SMARCC1: variants seen among roughly 807,000 people sequenced by gnomAD.
SMARCC1 encodes the protein SWI/SNF complex subunit SMARCC1.
In SMARCC1, 43 loss-of-function variants were observed where a neutral mutation model predicts 147.4. That is an observed-to-expected ratio of 0.29 (90% CI 0.23 to 0.38). The LOEUF (loss-of-function observed/expected upper bound fraction) is 0.38, where lower values mean the gene tolerates loss of function less well. SMARCC1 is among the 10% of genes least tolerant of loss of function. SMARCC1 has a pLI of 1.00. For missense variants in SMARCC1, 1,119 were observed against 1,381.1 expected (o/e 0.81, Z 3.01); for synonymous variants, 495 against 484.4 (o/e 1.02, Z -0.29).
At chr3:47,745,063 T>A (rs1447210265) in intron 3 of SMARCC1, among the ~76,000 whole-genome samples, 3 of 151,106 alleles carry the variant, frequency 2.0e-5, no homozygotes, top group Non-Finnish European at 4.4e-5. Flanking sequence ...AGGTCAGGAG[T>A]TCGAGACCAG....
intron 19 of SMARCC1, among the ~76,000 whole-genome samples, chr3:47,667,225 GGA>G (rs1402486700): frequency 6.6e-6 from 1 of 152,026 alleles, no homozygotes; most frequent in African/African-American, 2.4e-5. Context: ...GGCCGAGGCA[GGA>G]GAATAGTGTG....
intron 25 of SMARCC1, among the ~76,000 whole-genome samples, chr3:47,618,357 C>T (rs2032675962): frequency 6.7e-6 from 1 of 149,568 alleles, no homozygotes; most frequent in African/African-American, 2.5e-5. Flanking sequence ...GCCTGGGCAA[C>T]ATGGCAAGAT....
At chr3:47,648,988 TA>T (rs1217349717) in intron 21 of SMARCC1, among the ~76,000 whole-genome samples, 3 of 152,224 alleles carry the variant, frequency 2.0e-5, no homozygotes, top group Non-Finnish European at 4.4e-5. Context: ...ATATACATCC[TA>T]CTACCTAATA....
intron 25 of SMARCC1, among the ~76,000 whole-genome samples, chr3:47,613,410 G>A (rs1276429533): frequency 2.0e-5 from 3 of 148,972 alleles, no homozygotes; most frequent in East Asian, 3.9e-4. Context: ...TTGAGACGGA[G>A]TCTTGCTCTG....
At position 47,781,814 on chromosome 3, in the gene SMARCC1, C is replaced by T. The variant is rs1455934532; in HGVS notation, c.-17G>A. 2.9e-6 allele frequency: 4 copies of T among 1,397,426 alleles called. No individual in the cohort carries two copies. In the Admixed American group the frequency reaches 1.5e-4, roughly 51 times the overall value. The allele number at this position is 1,397,426 out of a possible 1,614,324, so 86.6% of individuals were successfully genotyped here. The stretch of plus-strand genomic sequence containing the variant: ...TGCGGCCATCGTCGCAGCCCGTCGT[C>T]CCCACAGCCTGGCCCACCCCGGCCC... On this transcript the variant is annotated 5_prime_UTR_variant, in exon 1 of 28. Transcript: ENST00000254480.
At chr3:47,748,645 C>T (rs763906675) in intron 2 of SMARCC1, among the ~76,000 whole-genome samples, 4 of 151,984 alleles carry the variant, frequency 2.6e-5, no homozygotes, top group African/African-American at 4.8e-5. Context: ...TCAAATTAAA[C>T]GAAATGGTGA....
chr3:47,731,772 A>G (rs2034377138), intron 5 of SMARCC1, among the ~76,000 whole-genome samples: 1 of 152,232 alleles, frequency 6.6e-6, no homozygotes. Context: ...GTGGGCTTAA[A>G]GTATTCAGTA....
At chr3:47,772,741 G>C in intron 2 of SMARCC1, 76 bp downstream of exon 2, 1 of 1,318,786 alleles carries the variant, frequency 7.6e-7, no homozygotes, top group Non-Finnish European at 1.0e-6. Context: ...AGCAGCAAAG[G>C]AAAAAAGCTG....
At chr3:47,760,733 A>G (rs2034763882) in intron 2 of SMARCC1, among the ~76,000 whole-genome samples, 1 of 152,222 alleles carries the variant, frequency 6.6e-6, no homozygotes, top group Non-Finnish European at 1.5e-5. Flanking sequence ...AGCTCAAAGC[A>G]GCAATCCCAG....
chr3:47,671,394 GACT>G lies in SMARCC1; in HGVS notation c.1840-680_1840-678del, dbSNP rs1034743327. 7.9e-5 allele frequency among the ~76,000 whole-genome samples: 12 copies of G among 152,180 alleles called. No individual in the cohort carries two copies. The South Asian group carries it at 1.2e-3, about 16-fold the overall frequency. On this transcript the variant is annotated intron_variant, in intron 18 of 27. Transcript: ENST00000254480. The stretch of plus-strand genomic sequence containing the variant: ...ACACATCTTGGTAATAACTTGAAGA[GACT>G]ACTTCTTCCACGATTCAAGGATCAG...
chr3:47,590,793 G>C lies in SMARCC1; in HGVS notation c.3088C>G (p.Pro1030Ala), dbSNP rs745422353. 1 of 1,604,082 alleles carries C rather than the reference G, an allele frequency of 6.2e-7. No homozygotes were observed. Among genetic ancestry groups the C allele is most frequent in the Non-Finnish European group, 8.5e-7 (1 of 1,176,046 alleles). ...GCAACAGTGGGAATCATGCGGCCTGGCATGTGCTGCCCGGGCATCATGGAA... is the reference window on the plus strand; with the variant it reads ...GCAACAGTGGGAATCATGCGGCCTGCCATGTGCTGCCCGGGCATCATGGAA... ...PGSMMPGQHM[P>A]GRMIPTVAAN... is the part of the protein sequence containing the mutation. The change falls in exon 27 of 28, where the codon CCA becomes GCA. Residue 1030 changes from proline to alanine, a missense_variant. Pro to Ala is a conservative substitution (Grantham distance 27). Around this residue, in one of 6 missense-constraint regions of SMARCC1, gnomAD observed 186 missense variants for 216.5 expected, o/e 0.86. Transcript: ENST00000254480.
At position 47,763,894 on chromosome 3, in the gene SMARCC1, T is replaced by A. The variant is rs2034804993; in HGVS notation, c.315+8923A>T. Among the ~76,000 whole-genome samples, 3 of 151,532 alleles carry A rather than the reference T, an allele frequency of 2.0e-5. No individual in the cohort carries two copies. The South Asian group carries it at 6.2e-4, about 32-fold the overall frequency. ...ACCACCACACCAAGCTAATTTTTTT[T>A]TATTTTTTGTAGACGGCTCTCACCA... is the stretch of plus-strand genomic sequence containing the variant. On this transcript the variant is annotated intron_variant, in intron 2 of 27. Transcript: ENST00000254480.
intron 24 of SMARCC1, among the ~76,000 whole-genome samples, chr3:47,629,892 G>A (rs543623409): frequency 4.1e-4 from 62 of 151,866 alleles, no homozygotes; most frequent in Admixed American, 2.2e-3. Context: ...TAGTTACATC[G>A]TTACATAGCA....
At chr3:47,708,178 C>A (rs673219) in intron 9 of SMARCC1, among the ~76,000 whole-genome samples, 2 of 135,544 alleles carry the variant, frequency 1.5e-5, no homozygotes, top group East Asian at 5.0e-4. Context: ...CAGCTCACTG[C>A]AACCTCCACT....
intron 25 of SMARCC1, among the ~76,000 whole-genome samples, chr3:47,613,297 T>C (rs1218783720): frequency 1.3e-5 from 2 of 152,138 alleles, no homozygotes; most frequent in Admixed American, 6.5e-5. Flanking sequence ...TGTGATCATG[T>C]ATAAACACAT....
intron 11 of SMARCC1, 126 bp from the exon 12 acceptor site, chr3:47,693,426 C>CT: frequency 1.6e-6 from 1 of 618,488 alleles, no homozygotes; most frequent in South Asian, 2.0e-5. Flanking sequence ...ATTCAATACA[C>CT]TTTCAGGTAA....
chr3:47,771,352 A>G (rs1279598926), intron 2 of SMARCC1, among the ~76,000 whole-genome samples: 4 of 152,232 alleles, frequency 2.6e-5, no homozygotes, highest in Admixed American at 2.0e-4. Flanking sequence ...ACGAAAACCA[A>G]AATGAATTAA....
chr3:47,609,243 T>A (rs938979998), intron 26 of SMARCC1, among the ~76,000 whole-genome samples: 2 of 152,174 alleles, frequency 1.3e-5, no homozygotes, highest in African/African-American at 4.8e-5. Context: ...ACGCCTATAA[T>A]CCCAGCACTT....
chr3:47,652,914 A>G (rs2033208119), intron 21 of SMARCC1, among the ~76,000 whole-genome samples: 1 of 151,940 alleles, frequency 6.6e-6, no homozygotes, highest in African/African-American at 2.4e-5. Flanking sequence ...ATATAAATGT[A>G]AGAGGTGTTT....
Sources: allele counts gnomAD v4.1 joint callset (sites outside exome capture counted in the v4.1 genomes callset), GRCh38; gene constraint gnomAD v4.1.1; regional missense constraint gnomAD v4.1.1; transcripts MANE v1.5; gene names NCBI Gene and HGNC (gene_info 2026-07-23, HGNC 2026-07-21).